Variants in CTNNA3 observed in about 807,000 individuals in gnomAD.
The protein encoded by CTNNA3 is catenin alpha-3.
CTNNA3 carries 76 observed loss-of-function variants against 95.7 expected under a neutral mutation model. The ratio of observed to expected loss-of-function variants is 0.79; its 90% CI spans 0.66 to 0.96. CTNNA3 has a LOEUF of 0.96. Among genes scored for constraint, CTNNA3 ranks in the 40% least tolerant of loss-of-function variants. The pLI is 0.00. For synonymous variants in CTNNA3, 431 were observed against 374.4 expected, an observed-to-expected ratio of 1.15 and a Z score of -1.74; for missense variants, 1,191 against 1,089.8, an observed-to-expected ratio of 1.09 and a Z score of -1.31.
chr10:66,978,526 CA>C (rs1170594360), intron 7 of CTNNA3, among the ~76,000 whole-genome samples: 31 of 42,306 alleles, frequency 7.3e-4, no homozygotes, highest in Admixed American at 1.6e-3. Flanking sequence ...GACTCCATCT[CA>C]AAAAAAAAAA....
At chr10:66,813,414 T>G (rs1305228424) in intron 7 of CTNNA3, among the ~76,000 whole-genome samples, 2 of 152,212 alleles carry the variant, frequency 1.3e-5, no homozygotes, top group African/African-American at 4.8e-5. Context: ...ATCTATGTTT[T>G]AAGTCATGCT....
At chr10:66,978,747 A>G (rs1850229597) in intron 7 of CTNNA3, among the ~76,000 whole-genome samples, 2 of 146,030 alleles carry the variant, frequency 1.4e-5, no homozygotes, top group Non-Finnish European at 3.1e-5. Flanking sequence ...ACATTATTTT[A>G]TAAAGGATTT....
At chr10:67,512,663 T>C (rs1370126912) in intron 5 of CTNNA3, among the ~76,000 whole-genome samples, 1 of 151,240 alleles carries the variant, frequency 6.6e-6, no homozygotes, top group Admixed American at 6.6e-5. Flanking sequence ...TTGTCTACAG[T>C]GTTGTAATAT....
intron 7 of CTNNA3, among the ~76,000 whole-genome samples, chr10:67,085,628 TA>T (rs1444973563): frequency 6.6e-6 from 1 of 152,058 alleles, no homozygotes; most frequent in Non-Finnish European, 1.5e-5. Context: ...TTGTGTCATA[TA>T]AAAATTTGAA....
At chr10:67,556,010 T>C (rs1841230974) in intron 3 of CTNNA3, among the ~76,000 whole-genome samples, 2 of 152,130 alleles carry the variant, frequency 1.3e-5, no homozygotes, top group South Asian at 4.1e-4. Flanking sequence ...ATTAAGATAA[T>C]TCATGTGGTT....
At chr10:66,695,099 G>C (rs1272653514) in intron 9 of CTNNA3, among the ~76,000 whole-genome samples, 3 of 152,142 alleles carry the variant, frequency 2.0e-5, no homozygotes, top group African/African-American at 7.2e-5. Context: ...AAAATGTTCT[G>C]ACACTTCAAT....
At chr10:67,174,191 C>T (rs995385415) in intron 7 of CTNNA3, among the ~76,000 whole-genome samples, 1 of 152,156 alleles carries the variant, frequency 6.6e-6, no homozygotes, top group Admixed American at 6.6e-5. Context: ...ATAAAAATGG[C>T]TGCCTACTTT....
At chr10:66,118,886 CTAT>C (rs1234634333) in intron 13 of CTNNA3, among the ~76,000 whole-genome samples, 1 of 151,820 alleles carries the variant, frequency 6.6e-6, no homozygotes, top group African/African-American at 2.4e-5. Flanking sequence ...GTGTGTCACA[CTAT>C]TCTTTTTATA....
chr10:65,925,258 A>G (rs1033385693), intron 17 of CTNNA3, among the ~76,000 whole-genome samples: 1 of 149,996 alleles, frequency 6.7e-6, no homozygotes, highest in South Asian at 2.1e-4. Context: ...TACTTCACTT[A>G]CAACAAATAT....
intron 7 of CTNNA3, among the ~76,000 whole-genome samples, chr10:66,991,671 CCT>C (rs1368873869): frequency 1.3e-5 from 2 of 152,074 alleles, no homozygotes; most frequent in Admixed American, 1.3e-4. Context: ...CCCGCCTCAG[CCT>C]CCTGAGTAGC....
intron 3 of CTNNA3, among the ~76,000 whole-genome samples, chr10:67,589,170 T>C (rs559463418): frequency 4.6e-5 from 7 of 152,124 alleles, no homozygotes; most frequent in Non-Finnish European, 8.8e-5. Context: ...TAATGGAAAA[T>C]GAAAGAACTT....
chr10:66,025,695 G>A (rs556762424), intron 15 of CTNNA3, among the ~76,000 whole-genome samples: 2 of 152,130 alleles, frequency 1.3e-5, no homozygotes, highest in East Asian at 3.9e-4. Flanking sequence ...ATGTAAAATG[G>A]AGTACATTTT....
chr10:67,473,609 G>A (rs573807718), intron 5 of CTNNA3, among the ~76,000 whole-genome samples: 1 of 152,186 alleles, frequency 6.6e-6, no homozygotes, highest in African/African-American at 2.4e-5. Context: ...AAATTACACT[G>A]TAAATACAGT....
chr10:67,405,929 G>A (rs1200796930), intron 5 of CTNNA3, among the ~76,000 whole-genome samples: 6 of 152,134 alleles, frequency 3.9e-5, no homozygotes, highest in Admixed American at 2.0e-4. Flanking sequence ...TGGTTTGGCT[G>A]TGCTCCCACC....
rs1255635305 is a variant in CTNNA3 at position 65,920,615 on chromosome 10, C to T, written c.2403G>A (p.Leu801=). 2.5e-6 allele frequency: 4 copies of T among 1,605,568 alleles called. No homozygotes were observed. The African/African-American group carries it at 5.4e-5, about 22-fold the overall frequency. The change falls in exon 18 of 18, where the codon TTG becomes TTA. Residue 801 remains leucine, a splice_region_variant and synonymous_variant. Coordinates refer to ENST00000433211, the MANE Select transcript of CTNNA3 (RefSeq NM_013266.4). ...CTTGGATCAGGGATGTGACACTGTCCAACTGTAGGGAAAAAAGAGAAAAAA... is the reference window on the plus strand; with the variant it reads ...CTTGGATCAGGGATGTGACACTGTCTAACTGTAGGGAAAAAAGAGAAAAAA... ...NLGGELIMSA[L]DSVTSLIQAA...
intron 7 of CTNNA3, among the ~76,000 whole-genome samples, chr10:66,928,913 C>T (rs1007309189): frequency 2.6e-5 from 4 of 152,130 alleles, no homozygotes; most frequent in African/African-American, 4.8e-5. Context: ...TTGGAGATGA[C>T]TCAGTTATGG....
chr10:67,486,278 T>C (rs567368176), intron 5 of CTNNA3, among the ~76,000 whole-genome samples: 13 of 152,338 alleles, frequency 8.5e-5, no homozygotes, highest in African/African-American at 2.6e-4. Context: ...TGTCACCTCA[T>C]ATCTGATAAA....
chr10:67,737,051 C>A (rs916999385), intron 1 of CTNNA3, among the ~76,000 whole-genome samples: 1 of 152,056 alleles, frequency 6.6e-6, no homozygotes, highest in Non-Finnish European at 1.5e-5. Context: ...GCAACCTCCA[C>A]CTCCCAGGTT....
chr10:67,326,191 T>G (rs1170807093), intron 5 of CTNNA3, among the ~76,000 whole-genome samples: 1 of 152,230 alleles, frequency 6.6e-6, no homozygotes, highest in Non-Finnish European at 1.5e-5. Flanking sequence ...CTTGCCACTC[T>G]GTGCCTTTTA....
Sources: allele counts gnomAD v4.1 joint callset (sites outside exome capture counted in the v4.1 genomes callset), GRCh38; gene constraint gnomAD v4.1.1; transcripts MANE v1.5; gene names NCBI Gene and HGNC (gene_info 2026-07-23, HGNC 2026-07-21).